Variants in CD9 observed in about 807,000 individuals in gnomAD.
CD9 encodes CD9 antigen.
CD9 carries 10 observed loss-of-function variants against 31.4 expected under a neutral mutation model. That is an observed-to-expected ratio of 0.32 (90% CI 0.20 to 0.54). The LOEUF (loss-of-function observed/expected upper bound fraction) is 0.54. Ranked by LOEUF, CD9 falls within the 20% of genes least tolerant of loss-of-function variation. The probability of loss-of-function intolerance (pLI) is 0.94; values close to 1 mark genes in which losing one functional copy is unlikely to be tolerated. For missense variants in CD9, 259 were observed against 300.1 expected (o/e 0.86, Z 1.01); for synonymous variants, 113 against 114.1 (o/e 0.99, Z 0.06).
chr12:6,227,836 C>A (rs748639480), intron 2 of CD9, among the ~76,000 whole-genome samples: 6 of 152,172 alleles, frequency 3.9e-5, no homozygotes, highest in Non-Finnish European at 8.8e-5. Context: ...TTTACTTCAC[C>A]CAAATTGCAG....
intron 2 of CD9, among the ~76,000 whole-genome samples, chr12:6,228,290 G>T (rs189782862): frequency 6.6e-6 from 1 of 152,244 alleles, no homozygotes; most frequent in South Asian, 2.1e-4. Flanking sequence ...TGATCCGTCC[G>T]CCTCAGCCTC....
chr12:6,212,731 T>G (rs1946205403), intron 1 of CD9, among the ~76,000 whole-genome samples: 1 of 152,254 alleles, frequency 6.6e-6, no homozygotes, highest in African/African-American at 2.4e-5. Context: ...TTGTATGGGT[T>G]GTGGGGTAGG....
upstream of CD9, chr12:6,200,011 G>A (rs564935086): frequency 6.6e-6 from 1 of 152,344 alleles, no homozygotes; most frequent in South Asian, 2.1e-4. Context: ...GTCTCCCAAA[G>A]CAGAACGCCC....
chr12:6,227,857 A>G (rs913977078), intron 2 of CD9, among the ~76,000 whole-genome samples: 1 of 152,152 alleles, frequency 6.6e-6, no homozygotes, highest in Non-Finnish European at 1.5e-5. Flanking sequence ...TCAGGGAGAG[A>G]AACCCCTGCG....
chr12:6,208,906 A>G (rs1229494805), intron 1 of CD9, among the ~76,000 whole-genome samples: 1 of 151,948 alleles, frequency 6.6e-6, no homozygotes, highest in Non-Finnish European at 1.5e-5. Flanking sequence ...CAGTGTACTG[A>G]TTTATTAAAA....
chr12:6,221,850 C>A (rs1249178577), intron 1 of CD9, among the ~76,000 whole-genome samples: 2 of 151,306 alleles, frequency 1.3e-5, no homozygotes, highest in African/African-American at 4.9e-5. Context: ...AAAATATTAG[C>A]CAGGATTAGC....
At chr12:6,203,643 C>A (rs796810152) in intron 1 of CD9, among the ~76,000 whole-genome samples, 65 of 152,308 alleles carry the variant, frequency 4.3e-4, no homozygotes, top group African/African-American at 1.5e-3. Context: ...AACCGGCCCT[C>A]CTAGCTCTAT....
chr12:6,207,735 A>C (rs910309118), intron 1 of CD9, among the ~76,000 whole-genome samples: 2 of 152,228 alleles, frequency 1.3e-5, no homozygotes, highest in African/African-American at 4.8e-5. Flanking sequence ...TAACTGGGAA[A>C]GGCAAAGCAG....
chr12:6,232,926 G>A lies in CD9; in HGVS notation c.273+197G>A, dbSNP rs552271201. On this transcript the variant is annotated intron_variant, in intron 3 of 7. Transcript: ENST00000009180. The surrounding 1 kb of genome is among the most constrained non-coding windows in gnomAD (Gnocchi z 4.8). ...CTTCCTTTCTGGAGCCTGTCTTATC[G>A]CTTCCCCTAGGCAACTAAAAGGACT... The A allele has an allele frequency of 1.3e-5, 9 of 702,742 alleles. No homozygotes were observed. The highest frequency in any genetic ancestry group is 1.1e-4 in the East Asian group (4 of 37,292). The allele number at this position is 702,742 out of a possible 1,614,324, so 43.5% of individuals were successfully genotyped here.
intron 1 of CD9, among the ~76,000 whole-genome samples, chr12:6,215,519 G>A (rs1946235246): frequency 6.6e-6 from 1 of 152,206 alleles, no homozygotes; most frequent in South Asian, 2.1e-4. Flanking sequence ...CTGGTCTGGG[G>A]TCATTTCGAG....
intron 1 of CD9, among the ~76,000 whole-genome samples, chr12:6,220,845 C>T (rs185558599): frequency 1.8e-4 from 28 of 152,330 alleles, no homozygotes; most frequent in African/African-American, 6.3e-4. Flanking sequence ...TTTCATTTGT[C>T]ACAACTAGGA....
In CD9 at chr12:6,238,030, G is replaced by GC. The variant is rs1305807585; in HGVS notation, c.*203dup. 7 of 480,598 alleles carry GC rather than the reference G, an allele frequency of 1.5e-5. No homozygotes were observed. Among genetic ancestry groups the GC allele is most frequent in the Non-Finnish European group, 2.6e-5 (7 of 266,312 alleles). 29.8% of individuals were successfully genotyped at this position (480,598 alleles called of 1,614,324 possible). ...ATTCAATATTGACATTTGTAGTTGA[G>GC]CGGGGGGTTTGGTTTGCTTTGGTTT... On this transcript the variant is annotated 3_prime_UTR_variant, in exon 8 of 8. Transcript: ENST00000009180.
rs892237218 is a variant in CD9 at position 6,232,568 on chromosome 12, C to T, written c.176-64C>T. 36 of 993,814 alleles carry T rather than the reference C, an allele frequency of 3.6e-5. No homozygotes were observed. The Admixed American group carries it at 3.8e-4, about 10-fold the overall frequency. 61.6% of individuals were successfully genotyped at this position (993,814 alleles called of 1,614,324 possible). ...TTAGGCAGAGGGAAACAGGAATTGC[C>T]GGAGATGCCTGGGCCTCTGAACTGA... On this transcript the variant is annotated intron_variant, in intron 2 of 7. Coordinates refer to ENST00000009180, the MANE Select transcript of CD9 (RefSeq NM_001769.4). The surrounding 1 kb of genome is among the most constrained non-coding windows in gnomAD (Gnocchi z 4.8).
rs781303966 is a variant in CD9, at chr12:6,200,546, G to T, written c.47G>T (p.Gly16Val). The T allele has an allele frequency of 8.1e-6, 13 of 1,610,100 alleles. No homozygotes were observed. Among genetic ancestry groups the T allele is most frequent in the East Asian group, 2.2e-5 (1 of 44,790 alleles). ...AAGTGCATCAAATACCTGCTGTTCG[G>T]ATTTAACTTCATCTTCTGGGTGAGT... is the stretch of plus-strand genomic sequence containing the variant. ...GTKCIKYLLFGFNFIFWLAGI... is the reference protein window; with the variant it reads ...GTKCIKYLLFVFNFIFWLAGI... The change falls in exon 1 of 8, where the codon GGA becomes GTA. Residue 16 changes from glycine to valine, a missense_variant. Physicochemically the swap from Gly to Val is moderately radical, Grantham distance 109 (BLOSUM62 -3). Coordinates refer to ENST00000009180, the MANE Select transcript of CD9 (RefSeq NM_001769.4).
Position 6,219,336 on chromosome 12 carries a change from A to T in CD9, c.67-6090A>T, listed in dbSNP as rs187293003. ...GGGCTTTTTGTAAACTTGGTTTTCC[A>T]AAGTCTGTATAAGGATTTGCCTGTA... On this transcript the variant is annotated intron_variant, in intron 1 of 7. Coordinates refer to ENST00000009180, the MANE Select transcript of CD9 (RefSeq NM_001769.4). Among the ~76,000 whole-genome samples, 107 of 152,044 alleles carry T rather than the reference A, an allele frequency of 7.0e-4. 1 individual carries two copies. Among genetic ancestry groups the T allele is most frequent in the African/African-American group, 2.4e-3 (100 of 41,512 alleles).
At chr12:6,222,525 G>A (rs11568233) in intron 1 of CD9, among the ~76,000 whole-genome samples, 1,831 of 152,332 alleles carry the variant, frequency 0.012, 27 homozygotes, top group African/African-American at 0.041. Flanking sequence ...AAGGTTTAAG[G>A]TGGGGTCCGA....
At chr12:6,206,858 C>T (rs372992311) in intron 1 of CD9, among the ~76,000 whole-genome samples, 40 of 152,068 alleles carry the variant, frequency 2.6e-4, no homozygotes, top group African/African-American at 9.2e-4. Flanking sequence ...GTACGACCTG[C>T]CTCCAGAAAA....
chr12:6,202,220 C>T (rs1010521747), intron 1 of CD9, among the ~76,000 whole-genome samples: 2 of 152,132 alleles, frequency 1.3e-5, no homozygotes, highest in African/African-American at 4.8e-5. Flanking sequence ...TAACACACAC[C>T]CCAGTGAGGA....
At chr12:6,203,297 C>G (rs1946095581) in intron 1 of CD9, among the ~76,000 whole-genome samples, 2 of 152,146 alleles carry the variant, frequency 1.3e-5, no homozygotes, top group Admixed American at 1.3e-4. Flanking sequence ...CCCAAGACTC[C>G]CTTAAGGAAA....
Sources: allele counts gnomAD v4.1 joint callset (sites outside exome capture counted in the v4.1 genomes callset), GRCh38; gene constraint gnomAD v4.1.1; non-coding constraint Gnocchi (gnomAD v3.1); transcripts MANE v1.5; gene names NCBI Gene and HGNC (gene_info 2026-07-23, HGNC 2026-07-21).